The following RANBP2 variants were observed in gnomAD, a reference collection of about 807,000 sequenced individuals.
RANBP2 encodes E3 SUMO-protein ligase RanBP2.
In RANBP2, 57 loss-of-function variants were observed where a neutral mutation model predicts 303.6. The observed-to-expected ratio is 0.19, with a 90% CI of 0.15 to 0.23. The LOEUF is 0.23. RANBP2 is among the 10% of genes least tolerant of loss of function. RANBP2 has a pLI of 1.00. For missense variants in RANBP2, 3,138 were observed against 3,780.8 expected (o/e 0.83, Z 4.46); for synonymous variants, 1,167 against 1,301.5 (o/e 0.90, Z 2.23).
chr2:109,190,262 CTCGCGGGT>C, the RANBP2 span, among the ~76,000 whole-genome samples: 1 of 152,198 alleles, frequency 6.6e-6, no homozygotes, highest in Admixed American at 6.5e-5. Context: ...CAACCTCCGC[CTCGCGGGT>C]TCAAGTGATT....
the RANBP2 span, among the ~76,000 whole-genome samples, chr2:109,411,164 C>G: frequency 6.6e-5 from 10 of 152,350 alleles, no homozygotes. Flanking sequence ...GTCAGCAACT[C>G]TCAACCTCGT....
chr2:109,713,563 T>C, the RANBP2 span, among the ~76,000 whole-genome samples: 16 of 152,286 alleles, frequency 1.1e-4, no homozygotes, highest in Admixed American at 5.2e-4. Context: ...TGGAAATCAA[T>C]TGGGACCATG....
the RANBP2 span, among the ~76,000 whole-genome samples, chr2:109,628,179 C>T: frequency 1.3e-5 from 2 of 152,122 alleles, no homozygotes; most frequent in Non-Finnish European, 2.9e-5. Flanking sequence ...TACTAAACCA[C>T]TGCAGAAAAT....
the RANBP2 span, among the ~76,000 whole-genome samples, chr2:108,865,329 T>TG: frequency 6.6e-6 from 1 of 152,316 alleles, no homozygotes; most frequent in African/African-American, 2.4e-5. Context: ...AGTGTGTACA[T>TG]GTGGGAGCTT....
the RANBP2 span, chr2:109,129,585 C>T: frequency 6.8e-7 from 1 of 1,480,660 alleles, no homozygotes; most frequent in African/African-American, 1.5e-5. Context: ...AGGCGGCCGC[C>T]GCTGCTGCGC....
At chr2:108,868,295 C>G in the RANBP2 span, among the ~76,000 whole-genome samples, 2 of 152,094 alleles carry the variant, frequency 1.3e-5, no homozygotes, top group Admixed American at 6.5e-5. Flanking sequence ...CCCCTTTTTC[C>G]TTATTACTGA....
the RANBP2 span, among the ~76,000 whole-genome samples, chr2:109,047,772 G>A: frequency 6.6e-6 from 1 of 152,262 alleles, no homozygotes; most frequent in Admixed American, 6.5e-5. Context: ...TTGCGCCATT[G>A]CGCTCCAGCC....
the RANBP2 span, among the ~76,000 whole-genome samples, chr2:109,477,782 C>A: frequency 6.6e-6 from 1 of 152,176 alleles, no homozygotes; most frequent in Non-Finnish European, 1.5e-5. Flanking sequence ...CGTGTCCTCA[C>A]GTGGTCAATA....
chr2:109,610,318 G>C, the RANBP2 span, among the ~76,000 whole-genome samples: 1 of 152,060 alleles, frequency 6.6e-6, no homozygotes, highest in African/African-American at 2.4e-5. Context: ...TCAATCTCTT[G>C]ACCTCATGAT....
At chr2:108,966,923 C>T in the RANBP2 span, among the ~76,000 whole-genome samples, 2 of 152,108 alleles carry the variant, frequency 1.3e-5, no homozygotes, top group African/African-American at 4.8e-5. Context: ...CAAAGACCAG[C>T]CAATTGTGCA....
chr2:109,291,971 C>T, the RANBP2 span, among the ~76,000 whole-genome samples: 21 of 152,252 alleles, frequency 1.4e-4, no homozygotes, highest in Admixed American at 1.2e-3. Flanking sequence ...TCACGCCATT[C>T]TTATGCCTCA....
chr2:109,061,938 T>C, the RANBP2 span, among the ~76,000 whole-genome samples: 1 of 151,756 alleles, frequency 6.6e-6, no homozygotes, highest in Non-Finnish European at 1.5e-5. Context: ...GCTGTCAGAG[T>C]GGATGTCTTG....
chr2:109,392,489 G>A, the RANBP2 span, among the ~76,000 whole-genome samples: 41 of 152,054 alleles, frequency 2.7e-4, no homozygotes, highest in African/African-American at 9.2e-4. Flanking sequence ...CTTGGCCAGG[G>A]GTGGTCACCA....
At chr2:109,414,646 C>T in the RANBP2 span, among the ~76,000 whole-genome samples, 2 of 152,182 alleles carry the variant, frequency 1.3e-5, no homozygotes, top group African/African-American at 2.4e-5. Flanking sequence ...GCTGCCCAGG[C>T]CAGTCCCTTC....
At chr2:109,015,849 T>C in the RANBP2 span, among the ~76,000 whole-genome samples, 4 of 152,242 alleles carry the variant, frequency 2.6e-5, no homozygotes, top group Admixed American at 6.5e-5. Flanking sequence ...GTTTATGTTA[T>C]CCGTAAGGCT....
the RANBP2 span, among the ~76,000 whole-genome samples, chr2:109,164,169 C>G: frequency 6.7e-6 from 1 of 149,614 alleles, no homozygotes; most frequent in Non-Finnish European, 1.5e-5. Context: ...ATGCCTCTCT[C>G]TTTTTTTTTT....
chr2:109,176,726 G>T, the RANBP2 span, among the ~76,000 whole-genome samples: 1 of 152,108 alleles, frequency 6.6e-6, no homozygotes, highest in African/African-American at 2.4e-5. Context: ...CACAGAGCCA[G>T]ACCCTGTCTC....
the RANBP2 span, among the ~76,000 whole-genome samples, chr2:109,104,585 G>A: frequency 6.6e-6 from 1 of 151,694 alleles, no homozygotes; most frequent in African/African-American, 2.4e-5. Context: ...CCGGGTTCGT[G>A]CCATTCTCCT....
the RANBP2 span, among the ~76,000 whole-genome samples, chr2:109,600,632 C>T: frequency 6.6e-6 from 1 of 151,676 alleles, no homozygotes; most frequent in Non-Finnish European, 1.5e-5. Flanking sequence ...TCCCACCCAC[C>T]CACCAAGCAA....
Sources: allele counts gnomAD v4.1 joint callset (sites outside exome capture counted in the v4.1 genomes callset), GRCh38; gene constraint gnomAD v4.1.1; transcripts MANE v1.5; gene names NCBI Gene and HGNC (gene_info 2026-07-23, HGNC 2026-07-21).